Variants in ZNF395 observed in about 807,000 individuals in gnomAD.
The protein encoded by ZNF395 is zinc finger protein 395, also known as HD gene regulatory region-binding protein 2.
A neutral mutation model predicts 57.7 loss-of-function variants in ZNF395; 20 were observed. The observed-to-expected ratio is 0.35, with a 90% CI of 0.24 to 0.50. The LOEUF is 0.50. Ranked by LOEUF, ZNF395 falls within the 20% of genes least tolerant of loss-of-function variation. The probability of loss-of-function intolerance (pLI) is 0.97; values close to 1 mark genes in which losing one functional copy is unlikely to be tolerated. For synonymous variants in ZNF395, 295 were observed against 275.9 expected, an observed-to-expected ratio of 1.07 and a Z score of -0.69; for missense variants, 606 against 671.2, an observed-to-expected ratio of 0.90 and a Z score of 1.07.
intron 1 of ZNF395, among the ~76,000 whole-genome samples, chr8:28,381,014 A>AGTGTGTGTGTGTGTGTGT (rs10561721): frequency 6.0e-5 from 8 of 134,212 alleles, no homozygotes; most frequent in East Asian, 2.3e-4. Context: ...ACACCCTGCT[A>AGTGTGTGTGTGTGTGTGT]GTGTGTGTGT....
intron 1 of ZNF395, among the ~76,000 whole-genome samples, chr8:28,372,613 C>T (rs927897766): frequency 6.6e-6 from 1 of 152,116 alleles, no homozygotes; most frequent in Non-Finnish European, 1.5e-5. Context: ...ACAGGCAGAC[C>T]CCATCTCTAC....
At chr8:28,357,245 G>A (rs1801792851) in intron 3 of ZNF395, among the ~76,000 whole-genome samples, 1 of 152,002 alleles carries the variant, frequency 6.6e-6, no homozygotes, top group African/African-American at 2.4e-5. Context: ...AATTTAAGAG[G>A]GAACAATTAT....
chr8:28,369,122 C>G (rs1801946808), intron 1 of ZNF395, among the ~76,000 whole-genome samples: 1 of 151,662 alleles, frequency 6.6e-6, no homozygotes, highest in Non-Finnish European at 1.5e-5. Context: ...AGGCATGAGC[C>G]ACTGTGCCTG....
At position 28,353,086 on chromosome 8, in the gene ZNF395, A is replaced by T. The variant is rs1332375280; in HGVS notation, c.819+87T>A. 52 of 1,294,880 alleles carry T rather than the reference A, an allele frequency of 4.0e-5. No individual in the cohort carries two copies. In the East Asian group the frequency reaches 1.2e-3, roughly 30 times the overall value. The allele number at this position is 1,294,880 out of a possible 1,614,324, so 80.2% of individuals were successfully genotyped here. On this transcript the variant is annotated intron_variant, in intron 5 of 9. Transcript: ENST00000344423. ...GAACCCAAGACTATCTAGGGCCTGCAGGGTCCCCTGCTCTCCACGGCTGGC... is the reference window on the plus strand; with the variant it reads ...GAACCCAAGACTATCTAGGGCCTGCTGGGTCCCCTGCTCTCCACGGCTGGC...
At position 28,352,715 on chromosome 8, in the gene ZNF395, C is replaced by A. The variant is rs1563336663; in HGVS notation, c.820-42G>T. On this transcript the variant is annotated intron_variant, in intron 5 of 9. Transcript: ENST00000344423. The surrounding 1 kb of genome is among the most constrained non-coding windows in gnomAD (Gnocchi z 4.0). ...CAGGGTGAGTGGATATGTCTTTCTCCTTATCCCTCGCTCAACCTTACCCAG... is the reference window on the plus strand; with the variant it reads ...CAGGGTGAGTGGATATGTCTTTCTCATTATCCCTCGCTCAACCTTACCCAG... 6.4e-7 allele frequency: 1 copy of A among 1,560,318 alleles called. No individual in the cohort carries two copies. Among genetic ancestry groups the A allele is most frequent in the Admixed American group, 1.7e-5 (1 of 59,840 alleles).
Position 28,356,931 on chromosome 8 carries a change from G to C in ZNF395, c.474-152C>G. ...AAGTGCCCCCAACTCCAATCAGCCA[G>C]TGTGTGCTCAGATCATATAAACTCA... On this transcript the variant is annotated intron_variant, in intron 3 of 9. Transcript: ENST00000344423. The surrounding 1 kb of genome is among the most constrained non-coding windows in gnomAD (Gnocchi z 4.0). 1 of 626,960 alleles carries C rather than the reference G, an allele frequency of 1.6e-6. No individual in the cohort carries two copies. Among genetic ancestry groups the C allele is most frequent in the Non-Finnish European group, 2.8e-6 (1 of 352,566 alleles). 38.8% of individuals were successfully genotyped at this position (626,960 alleles called of 1,614,324 possible). A position where few individuals can be genotyped will look rare whatever the true frequency, so the allele number is the denominator to read the frequency against.
At chr8:28,351,339 G>A (rs1175850548) in intron 7 of ZNF395, 156 bp downstream of exon 7, 2 of 721,088 alleles carry the variant, frequency 2.8e-6, no homozygotes, top group Non-Finnish European at 4.3e-6. Context: ...CATTTATTGA[G>A]CAGTGAATTC....
chr8:28,358,263 C>A (rs1801806470), intron 3 of ZNF395, among the ~76,000 whole-genome samples: 1 of 151,124 alleles, frequency 6.6e-6, no homozygotes, highest in Admixed American at 6.6e-5. Flanking sequence ...GCATGCGCCA[C>A]CATGCCCAGC....
Position 28,351,544 on chromosome 8 carries a change from T to A in ZNF395, c.1184A>T (p.Lys395Met). 1 of 1,613,444 alleles carries A rather than the reference T, an allele frequency of 6.2e-7. No homozygotes were observed. Among genetic ancestry groups the A allele is most frequent in the Non-Finnish European group, 8.5e-7 (1 of 1,179,612 alleles). ...ESSLPSGALS[K>M]SAPGSFWHIQ... ...GTGCCAGAAGGACCCAGGAGCTGAC[T>A]TGCTGAGAGCCCCTGAGGGCAGGGA... Residue 395 changes from lysine (K) to methionine (M), a missense_variant, in exon 7 of 10, where the codon AAG (lysine) becomes ATG (methionine). Coordinates refer to ENST00000344423, the MANE Select transcript of ZNF395 (RefSeq NM_018660.3).
At chr8:28,367,241 T>G (rs1435328501) in intron 1 of ZNF395, among the ~76,000 whole-genome samples, 2 of 152,180 alleles carry the variant, frequency 1.3e-5, no homozygotes, top group African/African-American at 4.8e-5. Context: ...GGGACCAGAA[T>G]AATTGTCCAA....
Position 28,359,449 on chromosome 8 carries a change from C to G in ZNF395, c.473+143G>C. On this transcript the variant is annotated intron_variant, in intron 3 of 9. Coordinates refer to ENST00000344423, the MANE Select transcript of ZNF395 (RefSeq NM_018660.3). This position sits in a 1 kb window ranked among gnomAD's most constrained non-coding sequence, Gnocchi z 4.7. ...ACTCTGGTTTTCTTAAAAGATTCCC[C>G]TTTTCTGTGTCCCATTTGTCCCAAT... The G allele has an allele frequency of 8.3e-7, 1 of 1,206,732 alleles. No homozygotes were observed. Among genetic ancestry groups the G allele is most frequent in the Non-Finnish European group, 1.1e-6 (1 of 889,890 alleles). The allele number at this position is 1,206,732 out of a possible 1,614,324, so 74.8% of individuals were successfully genotyped here. A position where few individuals can be genotyped will look rare whatever the true frequency, so the allele number is the denominator to read the frequency against.
chr8:28,349,097 A>G, intron 9 of ZNF395, 28 bp downstream of exon 9: 1 of 1,554,614 alleles, frequency 6.4e-7, no homozygotes, highest in South Asian at 1.2e-5. Flanking sequence ...AGAAACCAGA[A>G]GGCAGGGGAC....
At chr8:28,357,192 T>G (rs1248533317) in intron 3 of ZNF395, among the ~76,000 whole-genome samples, 1 of 152,150 alleles carries the variant, frequency 6.6e-6, no homozygotes, top group Non-Finnish European at 1.5e-5. Context: ...CCCACTGGAA[T>G]TCAAAAGCAC....
At chr8:28,369,980 C>T (rs139110369) in intron 1 of ZNF395, among the ~76,000 whole-genome samples, 22 of 152,292 alleles carry the variant, frequency 1.4e-4, no homozygotes, top group African/African-American at 4.3e-4. Flanking sequence ...GCACTTAATA[C>T]GCTCTGAAGC....
chr8:28,361,131 G>A lies in ZNF395; in HGVS notation c.-7C>T, dbSNP rs1801844808. The A allele has an allele frequency of 6.2e-7, 1 of 1,611,420 alleles. No individual in the cohort carries two copies. The highest frequency in any genetic ancestry group is 1.3e-5 in the African/African-American group (1 of 75,052). On this transcript the variant is annotated 5_prime_UTR_variant, in exon 2 of 10. The change creates a premature stop within an existing upstream ORF in the 5' untranslated region. Transcript: ENST00000344423. ...GGGACAGGACACTCGCCATGCTGCT[G>A]CCTCTCCTCTCCTGCGGAGGCGAAG...
chr8:28,358,135 T>C (rs903672426), intron 3 of ZNF395, among the ~76,000 whole-genome samples: 1 of 147,686 alleles, frequency 6.8e-6, no homozygotes, highest in Non-Finnish European at 1.5e-5. Flanking sequence ...GTTTTGTGGG[T>C]TTTTTTCTTT....
chr8:28,374,365 G>A (rs1435564407), intron 1 of ZNF395, among the ~76,000 whole-genome samples: 2 of 152,200 alleles, frequency 1.3e-5, no homozygotes, highest in Non-Finnish European at 2.9e-5. Flanking sequence ...ACTGGGATTA[G>A]GAACAGTCAT....
intron 3 of ZNF395, among the ~76,000 whole-genome samples, chr8:28,357,860 A>G (rs1801799324): frequency 6.6e-6 from 1 of 152,190 alleles, no homozygotes; most frequent in South Asian, 2.1e-4. Flanking sequence ...CATCTTGTAT[A>G]TAAGACAATT....
Position 28,360,953 on chromosome 8 carries a change from G to C in ZNF395, c.172C>G (p.Pro58Ala), listed in dbSNP as rs765859733. 1.9e-6 allele frequency: 3 copies of C among 1,613,704 alleles called. No homozygotes were observed. Among genetic ancestry groups the C allele is most frequent in the Non-Finnish European group, 2.5e-6 (3 of 1,179,880 alleles). Residue 58 changes from proline (P) to alanine (A), a missense_variant, in exon 2 of 10, where the codon CCC (proline) becomes GCC (alanine). By Grantham distance (27) the Pro-to-Ala change is conservative. Around this residue, in one of 3 missense-constraint regions of ZNF395, gnomAD observed 309 missense variants for 374.7 expected, o/e 0.82. Transcript: ENST00000344423. ...CTGGGAGCCTTAAGGACTTCCTTGG[G>C]CTGCTCCTGGCAGGGGGTGTCATCA... Reference protein sequence around the residue: ...TSDDTPCQEQPKEVLKAPSTS... With the variant: ...TSDDTPCQEQAKEVLKAPSTS...
Sources: gnomAD v4.1 joint callset for allele counts (sites outside exome capture counted in the v4.1 genomes callset) on GRCh38, gnomAD v4.1.1 for gene constraint, gnomAD v4.1.1 regional missense constraint, Gnocchi (gnomAD v3.1) non-coding constraint, MANE v1.5 for transcripts, NCBI Gene and HGNC (gene_info 2026-07-23, HGNC 2026-07-21) for gene names.